NSRP1: variants seen among roughly 807,000 people sequenced by gnomAD.
The protein encoded by NSRP1 is coiled-coil domain containing 55.
A neutral mutation model predicts 54.7 loss-of-function variants in NSRP1; 24 were observed. The ratio of observed to expected loss-of-function variants is 0.44; its 90% CI spans 0.32 to 0.62. NSRP1 has a LOEUF of 0.62. Ranked by LOEUF, NSRP1 falls within the 20% of genes least tolerant of loss-of-function variation. The probability of loss-of-function intolerance (pLI) is 0.06; values close to 1 mark genes in which losing one functional copy is unlikely to be tolerated. For missense variants in NSRP1, 596 were observed against 651.2 expected, an observed-to-expected ratio of 0.92 and a Z score of 0.92; for synonymous variants, 210 against 213.8, an observed-to-expected ratio of 0.98 and a Z score of 0.15.
chr17:30,178,228 T>C, intron 4 of NSRP1, 29 bp downstream of exon 4: 1 of 1,579,948 alleles, frequency 6.3e-7, no homozygotes, highest in South Asian at 1.2e-5. Flanking sequence ...CAAACTTTCT[T>C]TGACCTTGAC....
chr17:30,137,844 T>A (rs2151885201), intron 2 of NSRP1, among the ~76,000 whole-genome samples: 1 of 152,382 alleles, frequency 6.6e-6, no homozygotes, highest in Non-Finnish European at 1.5e-5. Context: ...TGCTGTTTTT[T>A]AAATTGTAAA....
intron 2 of NSRP1, among the ~76,000 whole-genome samples, chr17:30,164,017 A>G (rs531136891): frequency 2.6e-5 from 4 of 151,294 alleles, no homozygotes; most frequent in South Asian, 2.1e-4. Flanking sequence ...TATAATGTGT[A>G]TGTGTGTGTG....
rs1905482526 is a variant in NSRP1 at position 30,185,255 on chromosome 17, C to CATATGAAAGTAAGGAAGGAAAG, written c.1267_1288dup (p.Asn430SerfsTer7). 1.3e-6 allele frequency: 2 copies of CATATGAAAGTAAGGAAGGAAAG among 1,594,284 alleles called. No homozygotes were observed. The highest frequency in any genetic ancestry group is 1.7e-6 in the Non-Finnish European group (2 of 1,170,896). Reference sequence around the variant, plus strand: ...AGAGAAAAGCAAAGCAAAGGAAGAGCATATGAAAGTAAGGAAGGAAAGATA... The same window carrying CATATGAAAGTAAGGAAGGAAAG: ...AGAGAAAAGCAAAGCAAAGGAAGAGCATATGAAAGTAAGGAAGGAAAGATATGAAAGTAAGGAAGGAAAGATA... On this transcript the variant is annotated frameshift_variant, in exon 7 of 7. Coordinates refer to ENST00000247026, the MANE Select transcript of NSRP1 (RefSeq NM_032141.4). LOFTEE classifies it high-confidence loss of function.
chr17:30,166,254 TCTC>T (rs1313313518), intron 2 of NSRP1, among the ~76,000 whole-genome samples: 9 of 152,204 alleles, frequency 5.9e-5, no homozygotes, highest in Non-Finnish European at 1.2e-4. Flanking sequence ...TTTTGTAAGT[TCTC>T]CTCATGCTGT....
chr17:30,161,202 T>C (rs1414642372), intron 2 of NSRP1, among the ~76,000 whole-genome samples: 1 of 152,228 alleles, frequency 6.6e-6, no homozygotes, highest in Non-Finnish European at 1.5e-5. Context: ...TTGTATACAA[T>C]TCTTTATGTG....
Position 30,185,269 on chromosome 17 carries a change from G to T in NSRP1, c.1272G>T (p.Arg424Ser). The T allele has an allele frequency of 6.2e-7, 1 of 1,601,118 alleles. No individual in the cohort carries two copies. The highest frequency in any genetic ancestry group is 1.1e-5 in the South Asian group (1 of 88,440). Reference protein sequence around the residue: ...SKAKEEHMKVRKERYENNDKY... With the variant: ...SKAKEEHMKVSKERYENNDKY... Reference sequence around the variant, plus strand: ...CAAAGGAAGAGCATATGAAAGTAAGGAAGGAAAGATATGAAAATAATGATA... The same window carrying T: ...CAAAGGAAGAGCATATGAAAGTAAGTAAGGAAAGATATGAAAATAATGATA... The change falls in exon 7 of 7, where the codon AGG becomes AGT. Residue 424 changes from arginine (R) to serine (S), a missense_variant. Arg to Ser is a moderately radical substitution (Grantham distance 110, BLOSUM62 -1). Transcript: ENST00000247026.
chr17:30,120,328 A>T (rs2151872025), intron 2 of NSRP1, among the ~76,000 whole-genome samples: 1 of 152,360 alleles, frequency 6.6e-6, no homozygotes, highest in East Asian at 1.9e-4. Context: ...ATAAGAAATG[A>T]ATCAAGGTTA....
Position 30,116,876 on chromosome 17 carries a change from G to A in NSRP1, c.20+13G>A. The A allele has an allele frequency of 6.4e-7, 1 of 1,571,380 alleles. No homozygotes were observed. Among genetic ancestry groups the A allele is most frequent in the Non-Finnish European group, 8.6e-7 (1 of 1,157,802 alleles). On this transcript the variant is annotated intron_variant, in intron 1 of 6. Transcript: ENST00000247026. ...TTCCGGGCAGGCAGTGAGTGATCCG[G>A]GAGTTAGGGTCAGGCTGGGGGATGA...
intron 2 of NSRP1, among the ~76,000 whole-genome samples, chr17:30,155,313 T>C (rs546425858): frequency 6.6e-6 from 1 of 152,286 alleles, no homozygotes; most frequent in Non-Finnish European, 1.5e-5. Flanking sequence ...TCTTTTTGTC[T>C]TTCATTTCCT....
At chr17:30,168,781 A>G (rs191283990) in intron 2 of NSRP1, 3 of 151,746 alleles carry the variant, frequency 2.0e-5, no homozygotes, top group Middle Eastern at 3.4e-3. Flanking sequence ...TTTTACTGCT[A>G]CTCTTTTAAG....
At chr17:30,164,426 T>C (rs895709545) in intron 2 of NSRP1, among the ~76,000 whole-genome samples, 3 of 152,010 alleles carry the variant, frequency 2.0e-5, no homozygotes, top group Non-Finnish European at 2.9e-5. Flanking sequence ...TATAAGTTGA[T>C]TTTTTTTCCT....
At position 30,178,074 on chromosome 17, in the gene NSRP1, A is replaced by G. The variant is rs562675606; in HGVS notation, c.175A>G (p.Lys59Glu). Reference protein sequence around the residue: ...AAKKQAMKQTKLEIQKALAED... With the variant: ...AAKKQAMKQTELEIQKALAED... ...ACATGTTTAATTTTTTTTTAAGACC[A>G]AACTGGAAATCCAGAAGGCCCTTGC... is the stretch of plus-strand genomic sequence containing the variant. The change falls in exon 4 of 7, where the codon AAA becomes GAA. Residue 59 changes from lysine (K) to glutamate (E), a missense_variant. By Grantham distance (56) the Lys-to-Glu change is moderately conservative. Transcript: ENST00000247026. The G allele has an allele frequency of 5.0e-6, 8 of 1,612,262 alleles. No individual in the cohort carries two copies. The highest frequency in any genetic ancestry group is 6.8e-6 in the Non-Finnish European group (8 of 1,179,588).
At chr17:30,117,929 A>T in intron 1 of NSRP1, 151 bp from the exon 2 acceptor site, 1 of 585,590 alleles carries the variant, frequency 1.7e-6, no homozygotes, top group East Asian at 2.8e-5. Flanking sequence ...TAGAATTTTG[A>T]GATCACTGAG....
At chr17:30,122,369 A>G (rs1352888202) in intron 2 of NSRP1, 261 of 21,094 alleles carry the variant, frequency 0.012, 6 homozygotes, top group African/African-American at 0.029. Flanking sequence ...ATATATATAT[A>G]TATATATATA....
At chr17:30,128,794 A>C (rs1031050007) in intron 2 of NSRP1, among the ~76,000 whole-genome samples, 1 of 152,216 alleles carries the variant, frequency 6.6e-6, no homozygotes, top group African/African-American at 2.4e-5. Context: ...TATCACATTC[A>C]TCATGAAATA....
Position 30,185,208 on chromosome 17 carries a change from C to G in NSRP1, c.1211C>G (p.Pro404Arg). The G allele has an allele frequency of 1.3e-6, 2 of 1,573,090 alleles. No individual in the cohort carries two copies. The highest frequency in any genetic ancestry group is 8.6e-7 in the Non-Finnish European group (1 of 1,159,250). ...AGACAACAAAATGATCAGAACCGAC[C>G]CAGTGAGAAAGGAGAGAAGGAAGAG... ...RDRQQNDQNR[P>R]SEKGEKEEKS... Residue 404 changes from proline to arginine, a missense_variant, in exon 7 of 7, where the codon CCC (proline) becomes CGC (arginine). Physicochemically the swap from Pro to Arg is moderately radical, Grantham distance 103. Transcript: ENST00000247026.
At chr17:30,136,088 C>G (rs1345433306) in intron 2 of NSRP1, among the ~76,000 whole-genome samples, 1 of 151,942 alleles carries the variant, frequency 6.6e-6, no homozygotes, top group Admixed American at 6.6e-5. Flanking sequence ...TGGTGCACAT[C>G]TGTAGTCCCA....
intron 2 of NSRP1, among the ~76,000 whole-genome samples, chr17:30,161,718 A>T (rs894964666): frequency 5.3e-5 from 8 of 152,154 alleles, no homozygotes; most frequent in African/African-American, 1.9e-4. Flanking sequence ...ATCCTTTTGG[A>T]TAGGAAGTAT....
At chr17:30,148,325 G>T (rs1266352833) in intron 2 of NSRP1, among the ~76,000 whole-genome samples, 1 of 152,148 alleles carries the variant, frequency 6.6e-6, no homozygotes, top group Non-Finnish European at 1.5e-5. Context: ...ACTAAAACTT[G>T]ATTTAGGGTT....
Sources: allele counts gnomAD v4.1 joint callset (sites outside exome capture counted in the v4.1 genomes callset), GRCh38; gene constraint gnomAD v4.1.1; transcripts MANE v1.5; gene names NCBI Gene and HGNC (gene_info 2026-07-23, HGNC 2026-07-21).